Variants in CBL observed in about 807,000 individuals in gnomAD.
CBL encodes Cbl proto-oncogene, also known as E3 ubiquitin-protein ligase CBL.
In CBL, 45 loss-of-function variants were observed where a neutral mutation model predicts 96.9. That is an observed-to-expected ratio of 0.46 (90% CI 0.37 to 0.60). CBL has a LOEUF of 0.60. Among genes scored for constraint, CBL ranks in the 20% least tolerant of loss-of-function variants. CBL has a pLI of 0.00. For synonymous variants in CBL, 420 were observed against 426.8 expected (o/e 0.98, Z 0.20); for missense variants, 1,024 against 1,143.5 (o/e 0.90, Z 1.51).
At chr11:119,248,340 CT>C (rs961232960) in intron 2 of CBL, among the ~76,000 whole-genome samples, 1 of 152,168 alleles carries the variant, frequency 6.6e-6, no homozygotes, top group Non-Finnish European at 1.5e-5. Context: ...TCAATCGATA[CT>C]TTTTTGACAA....
intron 12 of CBL, among the ~76,000 whole-genome samples, chr11:119,289,190 G>A (rs531404690): frequency 6.6e-6 from 1 of 152,168 alleles, no homozygotes; most frequent in South Asian, 2.1e-4. Flanking sequence ...AAGTTAATGA[G>A]GTCAAGTTTG....
At position 119,285,276 on chromosome 11, in the gene CBL, C is replaced by T. The variant is rs200305176; in HGVS notation, c.1651C>T (p.Pro551Ser). ...DLPPPPPPDR[P>S]YSVGAESRPQ... ...TCCACCACCACCGCCTCCAGACCGGCCATATTCTGTTGGAGCAGAATCCCG... is the reference window on the plus strand; with the variant it reads ...TCCACCACCACCGCCTCCAGACCGGTCATATTCTGTTGGAGCAGAATCCCG... Residue 551 changes from proline (P) to serine (S), a missense_variant, in exon 11 of 16, where the codon CCA becomes TCA. By Grantham distance (74) the Pro-to-Ser change is moderately conservative. Around this residue, in one of 4 missense-constraint regions of CBL, gnomAD observed 695 missense variants for 661.6 expected, o/e 1.05. Transcript: ENST00000264033. 62 of 1,614,048 alleles carry T rather than the reference C, an allele frequency of 3.8e-5. No homozygotes were observed. The highest frequency in any genetic ancestry group is 5.2e-5 in the Non-Finnish European group (61 of 1,180,044).
Position 119,272,669 on chromosome 11 carries a change from A to G in CBL, c.590+788A>G, listed in dbSNP as rs565591525. 3.3e-5 allele frequency among the ~76,000 whole-genome samples: 5 copies of G among 152,106 alleles called. No individual in the cohort carries two copies. In the East Asian group the frequency reaches 7.7e-4, roughly 24 times the overall value. ...CGCTGGCGATGTGAATTGGTGTAAT[A>G]TTTTGCTTTATATTCCCTGATGAGA... On this transcript the variant is annotated intron_variant, in intron 3 of 15. Coordinates refer to ENST00000264033, the MANE Select transcript of CBL (RefSeq NM_005188.4).
intron 12 of CBL, among the ~76,000 whole-genome samples, chr11:119,292,712 G>A (rs1046388623): frequency 2.3e-4 from 35 of 152,240 alleles, no homozygotes; most frequent in African/African-American, 7.5e-4. Flanking sequence ...GAGCCACTGC[G>A]CCCGGCCTAT....
chr11:119,226,696 G>C (rs1451773749), intron 1 of CBL, among the ~76,000 whole-genome samples: 1 of 151,944 alleles, frequency 6.6e-6, no homozygotes, highest in African/African-American at 2.4e-5. Flanking sequence ...GACCTCAAGT[G>C]ATCTGCCTAC....
At chr11:119,237,949 G>A (rs1272835369) in intron 2 of CBL, among the ~76,000 whole-genome samples, 2 of 150,468 alleles carry the variant, frequency 1.3e-5, no homozygotes, top group Non-Finnish European at 3.0e-5. Flanking sequence ...TTGGCTCACT[G>A]CAACCTCTTC....
chr11:119,264,438 C>CTTCTCTTCTCTTCTT (rs1565868365), intron 2 of CBL, among the ~76,000 whole-genome samples: 1 of 93,604 alleles, frequency 1.1e-5, no homozygotes, highest in African/African-American at 3.6e-5. Context: ...CTTCTCTTCT[C>CTTCTCTTCTCTTCTT]TTCTTTCTCT....
chr11:119,267,701 T>C (rs187973755), intron 2 of CBL, among the ~76,000 whole-genome samples: 371 of 152,370 alleles, frequency 2.4e-3, no homozygotes, highest in Non-Finnish European at 3.7e-3. Context: ...TTTATTTTGT[T>C]CATTGCCATA....
chr11:119,214,713 T>G lies in CBL; in HGVS notation c.195+8101T>G, dbSNP rs367760155. Among the ~76,000 whole-genome samples, 3 of 152,320 alleles carry G rather than the reference T, an allele frequency of 2.0e-5. No individual in the cohort carries two copies. The East Asian group carries it at 5.8e-4, about 29-fold the overall frequency. On this transcript the variant is annotated intron_variant, in intron 1 of 15. Coordinates refer to ENST00000264033, the MANE Select transcript of CBL (RefSeq NM_005188.4). The stretch of plus-strand genomic sequence containing the variant: ...TATACTTTTCCAGTTATACTTAATT[T>G]ATGTTGTCCACTTCATTTTTTATTT...
At position 119,300,840 on chromosome 11, in the gene CBL, G is replaced by A. The variant is rs544728305; in HGVS notation, c.*1059G>A. 1.1e-4 allele frequency: 38 copies of A among 343,316 alleles called. No homozygotes were observed. Among genetic ancestry groups the A allele is most frequent in the Admixed American group, 1.9e-4 (4 of 21,016 alleles). 21.3% of individuals were successfully genotyped at this position (343,316 alleles called of 1,614,324 possible). On this transcript the variant is annotated 3_prime_UTR_variant, in exon 16 of 16. Coordinates refer to ENST00000264033, the MANE Select transcript of CBL (RefSeq NM_005188.4). ...AGGATGACTTTCTGGCCAGAATACC[G>A]GAAAGCTTTTAGGAAGCTTCGTTCA...
chr11:119,278,551 T>G lies in CBL; in HGVS notation c.1269T>G (p.Ile423Met). 1 of 1,614,200 alleles carries G rather than the reference T, an allele frequency of 6.2e-7. No individual in the cohort carries two copies. The highest frequency in any genetic ancestry group is 8.5e-7 in the Non-Finnish European group (1 of 1,180,020). ...GCTGTCCTTTCTGCCGATGTGAAAT[T>G]AAAGGTACTGAACCCATCGTGGTAG... ...GQGCPFCRCE[I>M]KGTEPIVVDP... Residue 423 changes from isoleucine (I) to methionine (M), a missense_variant, in exon 9 of 16, where the codon ATT (isoleucine) becomes ATG (methionine). Physicochemically the swap from Ile to Met is conservative, Grantham distance 10 (BLOSUM62 1). This residue lies in a region of CBL where 695 missense variants were observed against 661.6 expected (regional missense o/e 1.05). Transcript: ENST00000264033.
At position 119,300,335 on chromosome 11, in the gene CBL, T is replaced by C; in HGVS notation, c.*554T>C. On this transcript the variant is annotated 3_prime_UTR_variant, in exon 16 of 16. Coordinates refer to ENST00000264033, the MANE Select transcript of CBL (RefSeq NM_005188.4). ...ACAACTTCAACACTCCCCTTTGGCT[T>C]ATATTACCATGTGCATAGCTAAAGT... is the stretch of plus-strand genomic sequence containing the variant. 5.1e-6 allele frequency: 2 copies of C among 389,130 alleles called. No homozygotes were observed. The highest frequency in any genetic ancestry group is 9.0e-6 in the Non-Finnish European group (2 of 221,396). 24.1% of individuals were successfully genotyped at this position (389,130 alleles called of 1,614,324 possible).
At chr11:119,235,729 A>G (rs990679366) in intron 2 of CBL, among the ~76,000 whole-genome samples, 10 of 152,234 alleles carry the variant, frequency 6.6e-5, no homozygotes, top group African/African-American at 2.4e-4. Flanking sequence ...AGGCTCAACT[A>G]TATCTAATTT....
intron 1 of CBL, among the ~76,000 whole-genome samples, chr11:119,207,390 A>T (rs1949279555): frequency 1.3e-5 from 2 of 152,126 alleles, no homozygotes; most frequent in African/African-American, 4.8e-5. Flanking sequence ...ACTTCTTAAT[A>T]ACTTCCTCCC....
chr11:119,301,900 G>GA lies in CBL; in HGVS notation c.*2129dup, dbSNP rs886047782. ...TATTGAAGGCCTAGACAAAGAACTA[G>GA]AAAAAAAAAAGCAGTTTCCAGGCCC... On this transcript the variant is annotated 3_prime_UTR_variant, in exon 16 of 16. Transcript: ENST00000264033. 1.8e-3 allele frequency: 386 copies of GA among 214,774 alleles called. No individual in the cohort carries two copies. The highest frequency in any genetic ancestry group is 2.3e-3 in the East Asian group (35 of 15,004). The allele number at this position is 214,774 out of a possible 1,614,324, so 13.3% of individuals were successfully genotyped here.
At chr11:119,287,813 TAAGA>T (rs1306426560) in intron 11 of CBL, 35 bp from the exon 12 acceptor site, 1 of 1,284,692 alleles carries the variant, frequency 7.8e-7, no homozygotes. Context: ...TCAGCTGTGG[TAAGA>T]AAGTTGTTTT....
At chr11:119,282,066 G>A (rs907281971) in intron 9 of CBL, among the ~76,000 whole-genome samples, 2 of 152,016 alleles carry the variant, frequency 1.3e-5, no homozygotes, top group Non-Finnish European at 2.9e-5. Context: ...GGCCGGGTGC[G>A]GTGGCTCATG....
intron 1 of CBL, among the ~76,000 whole-genome samples, chr11:119,222,338 T>TAAAC (rs757264209): frequency 6.6e-6 from 1 of 152,206 alleles, no homozygotes; most frequent in Non-Finnish European, 1.5e-5. Flanking sequence ...AAGCATAGTT[T>TAAAC]TATTCCTCTT....
At chr11:119,294,781 C>G (rs1950052217) in intron 12 of CBL, among the ~76,000 whole-genome samples, 1 of 141,274 alleles carries the variant, frequency 7.1e-6, no homozygotes, top group Non-Finnish European at 1.5e-5. Context: ...CACAGTGAGA[C>G]TCCGTCTCAA....
Sources: gnomAD v4.1 joint callset for allele counts (sites outside exome capture counted in the v4.1 genomes callset) on GRCh38, gnomAD v4.1.1 for gene constraint, gnomAD v4.1.1 regional missense constraint, MANE v1.5 for transcripts, NCBI Gene and HGNC (gene_info 2026-07-23, HGNC 2026-07-21) for gene names.